FOXN3: variants seen among roughly 807,000 people sequenced by gnomAD.
FOXN3 encodes forkhead box N3.
A neutral mutation model predicts 38.4 loss-of-function variants in FOXN3; 7 were observed. That is an observed-to-expected ratio of 0.18 (90% CI 0.10 to 0.34). FOXN3 has a LOEUF of 0.34. Among genes scored for constraint, FOXN3 ranks in the 10% least tolerant of loss-of-function variants. The pLI is 1.00. For synonymous variants in FOXN3, 230 were observed against 242.2 expected (o/e 0.95, Z 0.47); for missense variants, 456 against 613.4 (o/e 0.74, Z 2.71).
chr14:89,433,968 A>T (rs2140115944), intron 1 of FOXN3, among the ~76,000 whole-genome samples: 1 of 136,748 alleles, frequency 7.3e-6, no homozygotes, highest in East Asian at 2.2e-4. Context: ...CTTGTCGCCC[A>T]GGCTGGAGTG....
intron 4 of FOXN3, among the ~76,000 whole-genome samples, chr14:89,276,589 C>T (rs776604763): frequency 8.6e-5 from 13 of 151,990 alleles, no homozygotes; most frequent in East Asian, 1.9e-4. Context: ...GACCACAGAA[C>T]GGGCTGTGAG....
At chr14:89,505,692 A>G (rs1199688062) in intron 1 of FOXN3, among the ~76,000 whole-genome samples, 1 of 151,630 alleles carries the variant, frequency 6.6e-6, no homozygotes, top group Non-Finnish European at 1.5e-5. Context: ...CTGCCCGGCC[A>G]CCACCCCGTC....
chr14:89,247,044 AAT>A (rs1237215583), intron 4 of FOXN3, among the ~76,000 whole-genome samples: 1 of 152,008 alleles, frequency 6.6e-6, no homozygotes, highest in African/African-American at 2.4e-5. Flanking sequence ...TCATCCACCC[AAT>A]AGTCAGTCTG....
intron 1 of FOXN3, among the ~76,000 whole-genome samples, chr14:89,593,418 C>G (rs950187318): frequency 6.6e-6 from 1 of 152,238 alleles, no homozygotes; most frequent in African/African-American, 2.4e-5. Flanking sequence ...GCGGGTAGAT[C>G]ACCTAAAGTC....
At chr14:89,287,700 T>C (rs899816683) in intron 3 of FOXN3, among the ~76,000 whole-genome samples, 1 of 146,630 alleles carries the variant, frequency 6.8e-6, no homozygotes, top group Non-Finnish European at 1.5e-5. Flanking sequence ...CAACACTTAC[T>C]AAATATCCAA....
At chr14:89,561,610 C>G (rs918892509) in intron 1 of FOXN3, among the ~76,000 whole-genome samples, 1 of 152,148 alleles carries the variant, frequency 6.6e-6, no homozygotes, top group Non-Finnish European at 1.5e-5. Flanking sequence ...TGAGCAGTGG[C>G]ATTTATAAGA....
At chr14:89,523,400 A>T (rs574954611) in intron 1 of FOXN3, among the ~76,000 whole-genome samples, 2 of 152,218 alleles carry the variant, frequency 1.3e-5, no homozygotes, top group South Asian at 4.1e-4. Context: ...AGAAGACTAC[A>T]TATTCAGGTG....
intron 3 of FOXN3, among the ~76,000 whole-genome samples, chr14:89,319,272 T>C (rs4899979): frequency 0.76 from 115,794 of 152,044 alleles, 44,250 homozygotes; most frequent in Middle Eastern, 0.82. Context: ...GTCATGCTCA[T>C]GGCTATGATT....
At chr14:89,317,786 G>A (rs1887766453) in intron 3 of FOXN3, among the ~76,000 whole-genome samples, 2 of 151,952 alleles carry the variant, frequency 1.3e-5, no homozygotes, top group Admixed American at 1.3e-4. Context: ...CTGCACAGCA[G>A]GAGGTGAGCG....
chr14:89,206,361 A>G (rs943769738), intron 4 of FOXN3, among the ~76,000 whole-genome samples: 1 of 152,198 alleles, frequency 6.6e-6, no homozygotes, highest in Admixed American at 6.5e-5. Context: ...CATTCCAGAC[A>G]AAACTGTAAA....
intron 4 of FOXN3, among the ~76,000 whole-genome samples, chr14:89,196,899 C>T (rs554377647): frequency 2.6e-5 from 4 of 152,278 alleles, no homozygotes; most frequent in South Asian, 2.1e-4. Flanking sequence ...ATCCACACTG[C>T]GATATATACC....
At chr14:89,261,536 G>A (rs575241085) in intron 4 of FOXN3, among the ~76,000 whole-genome samples, 1 of 152,278 alleles carries the variant, frequency 6.6e-6, no homozygotes, top group East Asian at 1.9e-4. Flanking sequence ...ACTCACGCCT[G>A]TAATCCCAGC....
chr14:89,511,223 C>CTT (rs1353959734), intron 1 of FOXN3, among the ~76,000 whole-genome samples: 1 of 20,182 alleles, frequency 5.0e-5, no homozygotes, highest in African/African-American at 8.5e-5. Context: ...TTCTTTCTTT[C>CTT]TTTCTTTTCT....
chr14:89,462,152 C>T (rs1683384337), intron 1 of FOXN3, among the ~76,000 whole-genome samples: 1 of 152,194 alleles, frequency 6.6e-6, no homozygotes, highest in African/African-American at 2.4e-5. Context: ...TTGGGGTAAA[C>T]CCCTCTATTG....
intron 1 of FOXN3, among the ~76,000 whole-genome samples, chr14:89,533,555 G>A (rs533065746): frequency 2.6e-5 from 4 of 151,392 alleles, no homozygotes; most frequent in East Asian, 2.0e-4. Flanking sequence ...CCGGCCACTC[G>A]GGAGGCTGAG....
intron 3 of FOXN3, among the ~76,000 whole-genome samples, chr14:89,310,064 C>T (rs1044272556): frequency 1.3e-5 from 2 of 152,216 alleles, no homozygotes; most frequent in African/African-American, 2.4e-5. Flanking sequence ...CACCCATTCC[C>T]TCCAGCAACG....
chr14:89,454,371 C>T (rs1892678861), intron 1 of FOXN3, among the ~76,000 whole-genome samples: 1 of 152,116 alleles, frequency 6.6e-6, no homozygotes, highest in Non-Finnish European at 1.5e-5. Flanking sequence ...CGCCAGGAAG[C>T]AAAATGGCCA....
In FOXN3 at chr14:89,162,276, G is replaced by GGAAAA; in HGVS notation, c.*133_*137dup. ...GGGGGCAAATTAAAACAAAATAAAA[G>GGAAAA]GAAAAGAAAAGAAAGAAAACCAAAC... is the stretch of plus-strand genomic sequence containing the variant. On this transcript the variant is annotated 3_prime_UTR_variant, in exon 6 of 6. Coordinates refer to ENST00000557258, the MANE Select transcript of FOXN3 (RefSeq NM_005197.4). The surrounding 1 kb of genome is among the most constrained non-coding windows in gnomAD (Gnocchi z 7.2). The GGAAAA allele has an allele frequency of 1.4e-6, 1 of 706,472 alleles. No individual in the cohort carries two copies. The highest frequency in any genetic ancestry group is 2.5e-5 in the South Asian group (1 of 40,644). The allele number at this position is 706,472 out of a possible 1,614,324, so 43.8% of individuals were successfully genotyped here.
chr14:89,246,326 G>A lies in FOXN3; in HGVS notation c.745+34624C>T, dbSNP rs1006255055. On this transcript the variant is annotated intron_variant, in intron 4 of 5. Coordinates refer to ENST00000557258, the MANE Select transcript of FOXN3 (RefSeq NM_005197.4). ...TTTAAGTTAAAACATATATTTTCCC[G>A]GGGCATGATTTCCTCCAGGCCTGGG... is the stretch of plus-strand genomic sequence containing the variant. 2.2e-4 allele frequency among the ~76,000 whole-genome samples: 33 copies of A among 152,014 alleles called. No homozygotes were observed. The East Asian group carries it at 4.3e-3, about 20-fold the overall frequency.
Sources: gnomAD v4.1 joint callset for allele counts (sites outside exome capture counted in the v4.1 genomes callset) on GRCh38, gnomAD v4.1.1 for gene constraint, Gnocchi (gnomAD v3.1) non-coding constraint, MANE v1.5 for transcripts, NCBI Gene and HGNC (gene_info 2026-07-23, HGNC 2026-07-21) for gene names.